The following PDE3A variants were observed in gnomAD, a reference collection of about 807,000 sequenced individuals.
PDE3A encodes cGMP-inhibited 3',5'-cyclic phosphodiesterase 3A.
PDE3A carries 43 observed loss-of-function variants against 98.3 expected under a neutral mutation model. The ratio of observed to expected loss-of-function variants is 0.44; its 90% confidence interval spans 0.34 to 0.56. The LOEUF (loss-of-function observed/expected upper bound fraction) is 0.56, where lower values mean the gene tolerates loss of function less well. Among genes scored for constraint, PDE3A ranks in the 20% least tolerant of loss-of-function variants. The pLI, the probability that PDE3A is intolerant of heterozygous loss-of-function variation, is 0.01. For missense variants in PDE3A, 1,427 were observed against 1,440.7 expected, an observed-to-expected ratio of 0.99 and a Z score of 0.15; for synonymous variants, 663 against 567.9, an observed-to-expected ratio of 1.17 and a Z score of -2.38.
chr12:20,396,704 G>T (rs1944025170), intron 1 of PDE3A, among the ~76,000 whole-genome samples: 1 of 151,920 alleles, frequency 6.6e-6, no homozygotes, highest in East Asian at 1.9e-4. Flanking sequence ...TTAGATTTAG[G>T]AATAATTTTA....
intron 1 of PDE3A, among the ~76,000 whole-genome samples, chr12:20,528,382 AT>A (rs1417222510): frequency 6.6e-6 from 1 of 152,212 alleles, no homozygotes; most frequent in Non-Finnish European, 1.5e-5. Context: ...GATGGTGACA[AT>A]TCGGTAGTTG....
rs565974679 is a variant in PDE3A, at chr12:20,404,783, G to A, written c.960+34539G>A. 4.1e-5 allele frequency among the ~76,000 whole-genome samples: 6 copies of A among 147,800 alleles called. No individual in the cohort carries two copies. The East Asian group carries it at 6.0e-4, about 15-fold the overall frequency. Reference sequence around the variant, plus strand: ...TCATATTCCTTGAGCTATTGGCCACGTGCCAGGGACCATTGCCATTCCACA... The same window carrying A: ...TCATATTCCTTGAGCTATTGGCCACATGCCAGGGACCATTGCCATTCCACA... On this transcript the variant is annotated intron_variant, in intron 1 of 15. Coordinates refer to ENST00000359062, the MANE Select transcript of PDE3A (RefSeq NM_000921.5).
rs1403143699 is a variant in PDE3A at position 20,673,733 on chromosome 12, G to A, written c.3185-6297G>A. Among the ~76,000 whole-genome samples, 70 of 145,346 alleles carry A rather than the reference G, an allele frequency of 4.8e-4. 1 individual carries two copies. Among genetic ancestry groups the A allele is most frequent in the African/African-American group, 1.7e-3 (69 of 39,430 alleles). On this transcript the variant is annotated intron_variant, in intron 15 of 15. Transcript: ENST00000359062. Reference sequence around the variant, plus strand: ...GGAGGGGGGAGGGATAGCATTGGGAGATATACCTAATGCTAGATGACGAGT... The same window carrying A: ...GGAGGGGGGAGGGATAGCATTGGGAAATATACCTAATGCTAGATGACGAGT...
chr12:20,402,399 T>A (rs1944149468), intron 1 of PDE3A, among the ~76,000 whole-genome samples: 1 of 152,096 alleles, frequency 6.6e-6, no homozygotes, highest in Non-Finnish European at 1.5e-5. Context: ...TCCACCTGCC[T>A]TGGCCTCCCA....
intron 15 of PDE3A, among the ~76,000 whole-genome samples, chr12:20,675,453 G>A (rs866335445): frequency 2.0e-5 from 3 of 152,096 alleles, no homozygotes; most frequent in Non-Finnish European, 4.4e-5. Flanking sequence ...TAAATCCAAC[G>A]TTTATTTATT....
Position 20,532,620 on chromosome 12 carries a change from CAA to C in PDE3A, c.961-24039_961-24038del, listed in dbSNP as rs965726133. Among the ~76,000 whole-genome samples the C allele has an allele frequency of 1.3e-4, 19 of 151,234 alleles. 1 individual carries two copies. Among genetic ancestry groups the C allele is most frequent in the African/African-American group, 4.4e-4 (18 of 41,252 alleles). On this transcript the variant is annotated intron_variant, in intron 1 of 15. Coordinates refer to ENST00000359062, the MANE Select transcript of PDE3A (RefSeq NM_000921.5). ...TCAATGTGAATATTAGCAATACTGA[CAA>C]GAGAAATAACATTTGGGTTGAATAG...
chr12:20,644,055 CAAT>C (rs1272417411), intron 10 of PDE3A, among the ~76,000 whole-genome samples: 10 of 152,074 alleles, frequency 6.6e-5, no homozygotes, highest in African/African-American at 2.2e-4. Context: ...TGACTTGCAA[CAAT>C]AATAGTAACT....
At chr12:20,471,010 G>A (rs1373904002) in intron 1 of PDE3A, among the ~76,000 whole-genome samples, 1 of 152,072 alleles carries the variant, frequency 6.6e-6, no homozygotes, top group Non-Finnish European at 1.5e-5. Flanking sequence ...GCCGTCATTA[G>A]ACACCATCCA....
At chr12:20,477,969 T>C (rs947673302) in intron 1 of PDE3A, among the ~76,000 whole-genome samples, 1 of 152,126 alleles carries the variant, frequency 6.6e-6, no homozygotes, top group African/African-American at 2.4e-5. Context: ...AGCCACAAGT[T>C]TGGCTTCTTG....
At position 20,653,350 on chromosome 12, in the gene PDE3A, A is replaced by T. The variant is rs191079646; in HGVS notation, c.2926-597A>T. Among the ~76,000 whole-genome samples the T allele has an allele frequency of 2.4e-3, 359 of 151,962 alleles. 1 individual carries two copies. The highest frequency in any genetic ancestry group is 3.9e-3 in the Non-Finnish European group (265 of 67,968). On this transcript the variant is annotated intron_variant, in intron 14 of 15. Transcript: ENST00000359062. ...AAATAGGCTACATTTATATATTTTT[A>T]AAAAAATTGTTCTCACTATTGCATT...
intron 1 of PDE3A, among the ~76,000 whole-genome samples, chr12:20,387,973 G>A (rs910488051): frequency 6.6e-6 from 1 of 151,842 alleles, no homozygotes; most frequent in Non-Finnish European, 1.5e-5. Context: ...TTATTTTTAC[G>A]TACTTTTATA....
chr12:20,376,502 A>G (rs1943573547), intron 1 of PDE3A, among the ~76,000 whole-genome samples: 1 of 151,980 alleles, frequency 6.6e-6, no homozygotes, highest in African/African-American at 2.4e-5. Context: ...AATACCAGGT[A>G]GCCTCTGGAA....
chr12:20,505,105 C>T (rs1946092459), intron 1 of PDE3A, among the ~76,000 whole-genome samples: 1 of 152,068 alleles, frequency 6.6e-6, no homozygotes, highest in Non-Finnish European at 1.5e-5. Context: ...AGAAGTGCTC[C>T]ATTCTTTTAA....
intron 1 of PDE3A, among the ~76,000 whole-genome samples, chr12:20,533,438 C>T (rs1941662925): frequency 6.6e-6 from 1 of 151,312 alleles, no homozygotes; most frequent in South Asian, 2.1e-4. Context: ...GAGTTACCCA[C>T]CTTCACTTGA....
chr12:20,525,685 G>A (rs1946506332), intron 1 of PDE3A, among the ~76,000 whole-genome samples: 1 of 152,146 alleles, frequency 6.6e-6, no homozygotes, highest in South Asian at 2.1e-4. Flanking sequence ...CTGACTGAAT[G>A]TCTTTGAAGA....
At chr12:20,539,114 C>T (rs1025888319) in intron 1 of PDE3A, among the ~76,000 whole-genome samples, 88 of 151,992 alleles carry the variant, frequency 5.8e-4, no homozygotes, top group Non-Finnish European at 2.1e-4. Context: ...AAGCAAGTAC[C>T]GGTTGAGAAT....
At position 20,686,587 on chromosome 12, in the gene PDE3A, C is replaced by G. The variant is rs1945969807; in HGVS notation, c.*6316C>G. Reference sequence around the variant, plus strand: ...TAATATTTCCGTGTCATTGAAAGTTCCTATTTCAAATTAAACAAACTACAG... The same window carrying G: ...TAATATTTCCGTGTCATTGAAAGTTGCTATTTCAAATTAAACAAACTACAG... On this transcript the variant is annotated 3_prime_UTR_variant, in exon 16 of 16. Transcript: ENST00000359062. Among the ~76,000 whole-genome samples, 1 of 152,090 alleles carries G rather than the reference C, an allele frequency of 6.6e-6. No individual in the cohort carries two copies. Among genetic ancestry groups the G allele is most frequent in the Non-Finnish European group, 1.5e-5 (1 of 67,984 alleles).
chr12:20,416,140 A>G (rs1944418579), intron 1 of PDE3A, among the ~76,000 whole-genome samples: 1 of 152,212 alleles, frequency 6.6e-6, no homozygotes, highest in Non-Finnish European at 1.5e-5. Context: ...AAAGCACAGC[A>G]TTAACTTTAG....
chr12:20,661,694 T>G (rs1945174507), intron 15 of PDE3A, among the ~76,000 whole-genome samples: 1 of 152,098 alleles, frequency 6.6e-6, no homozygotes, highest in South Asian at 2.1e-4. Context: ...GTTGAGCCTG[T>G]GAGTAAACAG....
Sources: gnomAD v4.1 joint callset for allele counts (sites outside exome capture counted in the v4.1 genomes callset) on GRCh38, gnomAD v4.1.1 for gene constraint, MANE v1.5 for transcripts, NCBI Gene and HGNC (gene_info 2026-07-23, HGNC 2026-07-21) for gene names.